Variants in CHN1 observed in about 807,000 individuals in gnomAD.
CHN1 encodes chimerin 1.
CHN1 carries 37 observed loss-of-function variants against 59.5 expected under a neutral mutation model. The observed-to-expected ratio is 0.62, with a 90% CI of 0.48 to 0.82. CHN1 has a LOEUF of 0.82. CHN1 is among the 40% of genes least tolerant of loss of function. The pLI, the probability that CHN1 is intolerant of heterozygous loss-of-function variation, is 0.00. For missense variants in CHN1, 469 were observed against 571.0 expected (o/e 0.82, Z 1.82); for synonymous variants, 206 against 200.4 (o/e 1.03, Z -0.24).
At chr2:174,802,391 A>T (rs1386017660) in intron 11 of CHN1, among the ~76,000 whole-genome samples, 5 of 152,232 alleles carry the variant, frequency 3.3e-5, no homozygotes, top group African/African-American at 4.8e-5. Context: ...TTTGTTTTAT[A>T]TAAAAAAATC....
At chr2:174,969,594 G>A (rs1375213484) in intron 1 of CHN1, among the ~76,000 whole-genome samples, 1 of 152,038 alleles carries the variant, frequency 6.6e-6, no homozygotes, top group Non-Finnish European at 1.5e-5. Flanking sequence ...TTCCTGCCCA[G>A]GTGTCTCTAT....
intron 6 of CHN1, among the ~76,000 whole-genome samples, chr2:174,858,807 G>A (rs1288606186): frequency 6.6e-6 from 1 of 151,970 alleles, no homozygotes; most frequent in Non-Finnish European, 1.5e-5. Context: ...AGAGTGATTT[G>A]AGGCATCTGT....
intron 1 of CHN1, among the ~76,000 whole-genome samples, chr2:174,973,810 CTATTGT>C (rs1690836192): frequency 1.3e-5 from 2 of 152,236 alleles, no homozygotes; most frequent in South Asian, 4.2e-4. Flanking sequence ...TGAATATTAG[CTATTGT>C]TATTGTTATT....
intron 6 of CHN1, among the ~76,000 whole-genome samples, chr2:174,869,971 G>T (rs1167788325): frequency 6.6e-6 from 1 of 152,138 alleles, no homozygotes; most frequent in African/African-American, 2.4e-5. Flanking sequence ...CAGTAAAGAT[G>T]ACCTTTCACT....
chr2:174,928,854 T>C (rs954942188), intron 3 of CHN1, among the ~76,000 whole-genome samples: 1 of 152,208 alleles, frequency 6.6e-6, no homozygotes, highest in Non-Finnish European at 1.5e-5. Context: ...AATATCAATA[T>C]GGTAATAGCT....
chr2:174,984,106 A>C (rs1021508324), intron 1 of CHN1, among the ~76,000 whole-genome samples: 1 of 152,016 alleles, frequency 6.6e-6, no homozygotes, highest in Non-Finnish European at 1.5e-5. Flanking sequence ...TTCTGGAAAA[A>C]AATAACTAGA....
chr2:174,834,657 C>T (rs1234890118), intron 7 of CHN1, among the ~76,000 whole-genome samples: 1 of 151,936 alleles, frequency 6.6e-6, no homozygotes, highest in East Asian at 1.9e-4. Context: ...TGTGCATCCC[C>T]CCAACTGCTT....
intron 3 of CHN1, among the ~76,000 whole-genome samples, chr2:174,928,000 T>C (rs2105384122): frequency 6.6e-6 from 1 of 152,372 alleles, no homozygotes; most frequent in East Asian, 1.9e-4. Flanking sequence ...GATTTGGTTC[T>C]GCATTGTACT....
At chr2:174,999,024 A>C (rs1299021546) in intron 1 of CHN1, among the ~76,000 whole-genome samples, 2 of 152,156 alleles carry the variant, frequency 1.3e-5, no homozygotes, top group African/African-American at 4.8e-5. Flanking sequence ...AAGCAGCCAA[A>C]TTAGGAATGT....
In CHN1 at chr2:174,812,418, C is replaced by T. The variant is rs1281652710; in HGVS notation, c.777G>A (p.Leu259=). The part of the protein sequence containing the change: ...KMVPNDCKPD[L]KHVKKVYSCD... ...AGCTGTACACCTTTTTGACATGCTT[C>T]AAGTCTGGCTTACAGTCATTTGGGA... is the stretch of plus-strand genomic sequence containing the variant. Residue 259 remains leucine (L), a synonymous_variant, in exon 9 of 13, where the codon TTG becomes TTA. Transcript: ENST00000409900. The T allele has an allele frequency of 2.5e-6, 4 of 1,613,980 alleles. No homozygotes were observed. Among genetic ancestry groups the T allele is most frequent in the Non-Finnish European group, 3.4e-6 (4 of 1,179,874 alleles).
chr2:174,986,734 T>TTTGG (rs1239388707), intron 1 of CHN1, among the ~76,000 whole-genome samples: 3 of 152,232 alleles, frequency 2.0e-5, no homozygotes, highest in Admixed American at 1.3e-4. Flanking sequence ...CCTTATGATT[T>TTTGG]TTTGTTTGTT....
intron 1 of CHN1, among the ~76,000 whole-genome samples, chr2:174,985,743 T>C (rs1306431632): frequency 6.6e-6 from 1 of 152,174 alleles, no homozygotes; most frequent in Non-Finnish European, 1.5e-5. Context: ...TTGAAGCTCA[T>C]CAATTTCAAG....
At chr2:174,837,609 T>C (rs1219629950) in intron 7 of CHN1, among the ~76,000 whole-genome samples, 1 of 152,224 alleles carries the variant, frequency 6.6e-6, no homozygotes, top group Non-Finnish European at 1.5e-5. Flanking sequence ...GTTCTTCAAC[T>C]GTTGGGCTAC....
At chr2:174,881,171 C>G (rs931726561) in intron 5 of CHN1, among the ~76,000 whole-genome samples, 1 of 152,056 alleles carries the variant, frequency 6.6e-6, no homozygotes, top group Non-Finnish European at 1.5e-5. Context: ...TCCAGTATCT[C>G]CCTCATACCA....
chr2:174,905,913 T>C (rs1036413931), intron 5 of CHN1, among the ~76,000 whole-genome samples: 3 of 152,154 alleles, frequency 2.0e-5, no homozygotes, highest in African/African-American at 4.8e-5. Context: ...AAATCAATCT[T>C]TAATGAGATA....
intron 1 of CHN1, among the ~76,000 whole-genome samples, chr2:174,952,663 T>C (rs1690060423): frequency 1.3e-5 from 2 of 152,244 alleles, no homozygotes; most frequent in South Asian, 4.1e-4. Context: ...GATTCCAATG[T>C]ACATGGTTTT....
chr2:174,815,364 C>T (rs567041487), intron 8 of CHN1, among the ~76,000 whole-genome samples: 23 of 152,056 alleles, frequency 1.5e-4, no homozygotes, highest in African/African-American at 5.5e-4. Flanking sequence ...AATGACACAG[C>T]GAGACCCTGT....
chr2:174,854,666 TTATGG>T (rs2105445755), intron 6 of CHN1, among the ~76,000 whole-genome samples: 1 of 152,322 alleles, frequency 6.6e-6, no homozygotes, highest in East Asian at 1.9e-4. Context: ...TTGAAAATAC[TTATGG>T]TATAGAATTA....
intron 6 of CHN1, among the ~76,000 whole-genome samples, chr2:174,869,093 A>C (rs1687319057): frequency 6.6e-6 from 1 of 152,160 alleles, no homozygotes; most frequent in African/African-American, 2.4e-5. Flanking sequence ...GGCTGAGTGA[A>C]TCTGGCTCAG....
Sources: allele counts gnomAD v4.1 joint callset (sites outside exome capture counted in the v4.1 genomes callset), GRCh38; gene constraint gnomAD v4.1.1; transcripts MANE v1.5; gene names NCBI Gene and HGNC (gene_info 2026-07-23, HGNC 2026-07-21).